The following UNC80 variants were observed in gnomAD, a reference collection of about 807,000 sequenced individuals.
UNC80 encodes the protein unc-80 subunit of NALCN channel complex, also known as protein unc-80 homolog.
UNC80 carries 164 observed loss-of-function variants against 384.6 expected under a neutral mutation model. That is an observed-to-expected ratio of 0.43 (90% CI 0.38 to 0.49). UNC80 has a LOEUF of 0.49. Among genes scored for constraint, UNC80 ranks in the 20% least tolerant of loss-of-function variants. The pLI is 0.00. For synonymous variants in UNC80, 1,486 were observed against 1,527.8 expected, an observed-to-expected ratio of 0.97 and a Z score of 0.64; for missense variants, 3,330 against 4,143.0, an observed-to-expected ratio of 0.80 and a Z score of 5.39.
chr2:209,972,325 G>T lies in UNC80; in HGVS notation c.8380+1G>T, dbSNP rs2125013239. On this transcript the variant is annotated splice_donor_variant, in intron 55 of 64. Coordinates refer to ENST00000673920, the MANE Select transcript of UNC80 (RefSeq NM_001371986.1). LOFTEE classifies it high-confidence loss of function. The stretch of plus-strand genomic sequence containing the variant: ...CTCACAGTAGGATCTGGAAGCAAAG[G>T]TCTGATTAATTTAACTAAAGGAAAT... 6.5e-7 allele frequency: 1 copy of T among 1,549,824 alleles called. No homozygotes were observed. Among genetic ancestry groups the T allele is most frequent in the Non-Finnish European group, 8.7e-7 (1 of 1,146,304 alleles).
chr2:209,844,748 C>A lies in UNC80; in HGVS notation c.3454+2302C>A, dbSNP rs147977002. Among the ~76,000 whole-genome samples the A allele has an allele frequency of 2.5e-3, 376 of 151,338 alleles. 3 individuals are homozygous for A. The highest frequency in any genetic ancestry group is 8.8e-3 in the African/African-American group (363 of 41,270). ...AGGATTATGGACATGCACCACCATG[C>A]CCCACTAAATTTGTTTTACATTTTT... On this transcript the variant is annotated intron_variant, in intron 21 of 64. Coordinates refer to ENST00000673920, the MANE Select transcript of UNC80 (RefSeq NM_001371986.1).
intron 46 of UNC80, among the ~76,000 whole-genome samples, chr2:209,945,530 G>A (rs931072900): frequency 3.1e-4 from 47 of 152,292 alleles, no homozygotes; most frequent in African/African-American, 1.1e-3. Flanking sequence ...ATCATGGAAT[G>A]TGTAGAACTA....
rs570641999 is a variant in UNC80, at chr2:209,990,626, T to C, written c.9315-1540T>C. Among the ~76,000 whole-genome samples the C allele has an allele frequency of 5.3e-4, 80 of 152,332 alleles. 1 individual carries two copies. Among genetic ancestry groups the C allele is most frequent in the African/African-American group, 1.8e-3 (75 of 41,588 alleles). ...CCAATTTAACAGACATGTTAACATG[T>C]ATAATTAATAAGGAGATGTCATTTC... On this transcript the variant is annotated intron_variant, in intron 61 of 64. Transcript: ENST00000673920.
At chr2:209,797,263 G>A (rs985851993) in intron 7 of UNC80, among the ~76,000 whole-genome samples, 1 of 152,040 alleles carries the variant, frequency 6.6e-6, no homozygotes, top group Admixed American at 6.6e-5. Context: ...TGTTACATAG[G>A]TATATGAGTG....
chr2:209,892,629 T>A (rs191822975), intron 26 of UNC80, among the ~76,000 whole-genome samples: 244 of 152,296 alleles, frequency 1.6e-3, no homozygotes, highest in Non-Finnish European at 2.9e-3. Flanking sequence ...GGGCAAAGAA[T>A]ATTAGCGTGT....
chr2:209,927,449 G>A (rs1025834086), intron 36 of UNC80, among the ~76,000 whole-genome samples: 6 of 152,240 alleles, frequency 3.9e-5, no homozygotes, highest in South Asian at 2.1e-4. Flanking sequence ...ATTTCTTAAC[G>A]TTACATTTTA....
intron 3 of UNC80, 60 bp from the exon 4 acceptor site, chr2:209,777,198 A>G (rs1335488927): frequency 6.7e-7 from 1 of 1,486,850 alleles, no homozygotes; most frequent in South Asian, 1.3e-5. Flanking sequence ...CCCATTGTTG[A>G]CATCTATTGC....
intron 51 of UNC80, among the ~76,000 whole-genome samples, chr2:209,965,471 GTT>G (rs879799244): frequency 1.4e-5 from 2 of 141,790 alleles, no homozygotes; most frequent in African/African-American, 2.6e-5. Context: ...GAAGTTTTTT[GTT>G]TTTTTTTTTT....
intron 4 of UNC80, 126 bp from the exon 5 acceptor site, chr2:209,785,937 GAGA>G: frequency 1.9e-6 from 2 of 1,031,984 alleles, no homozygotes; most frequent in Middle Eastern, 2.2e-4. Flanking sequence ...TGACTAATGA[GAGA>G]AGGTTTGGCA....
intron 59 of UNC80, among the ~76,000 whole-genome samples, chr2:209,980,986 T>A (rs1039935282): frequency 6.6e-6 from 1 of 152,230 alleles, no homozygotes; most frequent in Non-Finnish European, 1.5e-5. Context: ...AAAGAAAATA[T>A]CATTCTATAA....
chr2:209,865,898 T>C (rs929597494), intron 22 of UNC80, among the ~76,000 whole-genome samples: 1 of 152,212 alleles, frequency 6.6e-6, no homozygotes, highest in Non-Finnish European at 1.5e-5. Flanking sequence ...TTGCTAGAAT[T>C]GTATTTATAG....
chr2:209,905,071 A>G, intron 29 of UNC80, 106 bp downstream of exon 29: 2 of 1,180,624 alleles, frequency 1.7e-6, no homozygotes, highest in Non-Finnish European at 2.4e-6. Flanking sequence ...TGTAACAATC[A>G]GGTCTGTGTG....
At chr2:209,944,752 T>A (rs1037213433) in intron 45 of UNC80, among the ~76,000 whole-genome samples, 2 of 152,186 alleles carry the variant, frequency 1.3e-5, no homozygotes, top group Non-Finnish European at 2.9e-5. Context: ...AGTTCTGCCA[T>A]CTTCAATTAA....
Position 209,809,504 on chromosome 2 carries a change from C to A in UNC80, c.939-4076C>A. On this transcript the variant is annotated intron_variant, in intron 7 of 64. Transcript: ENST00000673920. Reference sequence around the variant, plus strand: ...GACGTCAAGAAGTACCAGTGCCAGGCGTGCGCTCGAACCTTCTCCCGAATG... The same window carrying A: ...GACGTCAAGAAGTACCAGTGCCAGGAGTGCGCTCGAACCTTCTCCCGAATG... 2.5e-6 allele frequency: 3 copies of A among 1,189,178 alleles called. 1 individual carries two copies. The highest frequency in any genetic ancestry group is 2.5e-5 in the South Asian group (2 of 81,564). The allele number at this position is 1,189,178 out of a possible 1,614,324, so 73.7% of individuals were successfully genotyped here.
At chr2:209,874,962 C>A (rs1219554392) in intron 23 of UNC80, among the ~76,000 whole-genome samples, 1 of 152,202 alleles carries the variant, frequency 6.6e-6, no homozygotes. Context: ...CCAATCTCCT[C>A]CCCTATTGAT....
In UNC80 at chr2:209,834,137, G is replaced by T; in HGVS notation, c.2911G>T (p.Glu971Ter). ...LAPGKKVEEN[E>*]QESKPAGSKR... is the part of the protein sequence containing the mutation. ...ACCAGGGAAAAAGGTGGAGGAGAAT[G>T]AACAGGAATCTAAGCCTGCAGGCAG... The change falls in exon 17 of 65, where the codon GAA becomes TAA. Residue 971 changes from glutamate (E) to a stop codon, truncating the protein, a stop_gained. Coordinates refer to ENST00000673920, the MANE Select transcript of UNC80 (RefSeq NM_001371986.1). LOFTEE classifies it high-confidence loss of function. The T allele has an allele frequency of 1.3e-6, 2 of 1,551,586 alleles. No individual in the cohort carries two copies. The highest frequency in any genetic ancestry group is 1.2e-5 in the South Asian group (1 of 84,044).
At chr2:209,931,705 A>G (rs111654389) in intron 38 of UNC80, among the ~76,000 whole-genome samples, 11 of 152,332 alleles carry the variant, frequency 7.2e-5, no homozygotes, top group African/African-American at 2.6e-4. Context: ...TAGCAGGGTG[A>G]TAAATTTAAC....
chr2:209,785,770 A>G (rs748305648), intron 4 of UNC80, among the ~76,000 whole-genome samples: 2 of 152,352 alleles, frequency 1.3e-5, no homozygotes, highest in East Asian at 1.9e-4. Flanking sequence ...ACAAGTTTCA[A>G]TCACTGCAAA....
intron 63 of UNC80, 59 bp downstream of exon 63, chr2:209,993,485 C>T: frequency 6.9e-7 from 1 of 1,456,398 alleles, no homozygotes; most frequent in Non-Finnish European, 9.4e-7. Context: ...GCAACTCACC[C>T]AGGAAGGCTT....
Sources: allele counts gnomAD v4.1 joint callset (sites outside exome capture counted in the v4.1 genomes callset), GRCh38; gene constraint gnomAD v4.1.1; transcripts MANE v1.5; gene names NCBI Gene and HGNC (gene_info 2026-07-23, HGNC 2026-07-21).